Variants in CUL4A observed in about 807,000 individuals in gnomAD.
CUL4A encodes cullin-4A.
CUL4A carries 16 observed loss-of-function variants against 95.5 expected under a neutral mutation model. The observed-to-expected ratio is 0.17, with a 90% CI of 0.11 to 0.25. The LOEUF (loss-of-function observed/expected upper bound fraction) is 0.25. CUL4A is among the 10% of genes least tolerant of loss of function. The pLI is 1.00. For synonymous variants in CUL4A, 380 were observed against 353.1 expected (o/e 1.08, Z -0.85); for missense variants, 610 against 937.0 (o/e 0.65, Z 4.56).
intron 6 of CUL4A, among the ~76,000 whole-genome samples, 192 bp downstream of exon 6, chr13:113,233,531 G>T (rs934961494): frequency 2.0e-5 from 3 of 152,098 alleles, no homozygotes; most frequent in African/African-American, 7.2e-5. Flanking sequence ...AGAGAAGATA[G>T]ATCAATATCA....
intron 2 of CUL4A, 27 bp downstream of exon 2, chr13:113,210,115 G>A: frequency 7.0e-7 from 1 of 1,429,034 alleles, no homozygotes; most frequent in Non-Finnish European, 9.3e-7. Context: ...GGCTGGGGAC[G>A]CCGCTCCTGC....
chr13:113,229,367 G>A, intron 4 of CUL4A, 79 bp from the exon 5 acceptor site: 3 of 1,160,340 alleles, frequency 2.6e-6, no homozygotes, highest in South Asian at 1.3e-5. Flanking sequence ...GAGACAGCTA[G>A]CATGGAGTTA....
intron 15 of CUL4A, among the ~76,000 whole-genome samples, chr13:113,248,686 A>T (rs1014920261): frequency 2.6e-5 from 4 of 152,326 alleles, no homozygotes; most frequent in African/African-American, 9.6e-5. Flanking sequence ...GTTATTTTAT[A>T]TAAGTGTGAG....
At chr13:113,234,892 A>C (rs527925410) in intron 7 of CUL4A, among the ~76,000 whole-genome samples, 171 bp from the exon 8 acceptor site, 196 of 152,262 alleles carry the variant, frequency 1.3e-3, no homozygotes, top group African/African-American at 4.4e-3. Context: ...CATGTCCCCC[A>C]CACACATTTC....
intron 19 of CUL4A, chr13:113,262,791 C>T (rs2873044): frequency 0.075 from 11,175 of 148,970 alleles, 1,066 homozygotes; most frequent in African/African-American, 0.25. Context: ...TTATACGTGC[C>T]CTTGCTGATG....
upstream of CUL4A, chr13:113,208,588 C>G (rs56771694): frequency 8.9e-4 from 1,433 of 1,607,696 alleles, 11 homozygotes; most frequent in African/African-American, 0.017. Flanking sequence ...CGCTCCCCGG[C>G]TAGGACCCAC....
rs139078644 is a variant in CUL4A at position 113,260,635 on chromosome 13, G to A, written c.2060G>A (p.Arg687Lys). 1.2e-6 allele frequency: 2 copies of A among 1,612,386 alleles called. No homozygotes were observed. The highest frequency in any genetic ancestry group is 1.7e-6 in the Non-Finnish European group (2 of 1,179,592). Reference protein sequence around the residue: ...TVEEQVSTTERVFQDRQYQID... With the variant: ...TVEEQVSTTEKVFQDRQYQID... The stretch of plus-strand genomic sequence containing the variant: ...GAGGAACAGGTTAGCACCACTGAGA[G>A]AGTGTTTCAGGATAGACAATATCAG... Residue 687 changes from arginine (R) to lysine (K), a missense_variant, in exon 19 of 20, where the codon AGA becomes AAA. Arg to Lys is a conservative substitution (Grantham distance 26). This residue lies in a region of CUL4A where 28 missense variants were observed against 86.4 expected (regional missense o/e 0.32). Transcript: ENST00000375440.
At chr13:113,214,437 A>G (rs569503134) in intron 2 of CUL4A, among the ~76,000 whole-genome samples, 1 of 152,258 alleles carries the variant, frequency 6.6e-6, no homozygotes, top group African/African-American at 2.4e-5. Context: ...ATTTCTAGAA[A>G]GGTTTCAGAG....
intron 10 of CUL4A, among the ~76,000 whole-genome samples, chr13:113,242,325 G>A (rs1203464005): frequency 6.6e-6 from 1 of 152,032 alleles, no homozygotes; most frequent in Non-Finnish European, 1.5e-5. Flanking sequence ...AAGTGATGGA[G>A]AAGGAAAACT....
chr13:113,215,939 A>T (rs552884085), intron 2 of CUL4A, among the ~76,000 whole-genome samples: 1 of 141,528 alleles, frequency 7.1e-6, no homozygotes, highest in African/African-American at 2.8e-5. Flanking sequence ...TCTCTGTGTG[A>T]CTATGGAGGT....
rs1416579745 is a variant in CUL4A, at chr13:113,265,828, A to G, written c.*2246A>G. 1 of 152,234 alleles carries G rather than the reference A, an allele frequency of 6.6e-6. No individual in the cohort carries two copies. The highest frequency in any genetic ancestry group is 1.5e-5 in the Non-Finnish European group (1 of 68,040). The allele number at this position is 152,234 out of a possible 1,614,324, so 9.4% of individuals were successfully genotyped here. On this transcript the variant is annotated 3_prime_UTR_variant, in exon 20 of 20. Transcript: ENST00000375440. ...AATCATTGAAAAAGAAACAGCACTT[A>G]GACAGAAATGCTGTAAAAGTGGAAA...
chr13:113,255,873 G>A (rs1176132293), intron 18 of CUL4A, among the ~76,000 whole-genome samples: 1 of 152,156 alleles, frequency 6.6e-6, no homozygotes, highest in African/African-American at 2.4e-5. Context: ...TTCTGTGCAG[G>A]TTTTTATGTG....
chr13:113,209,898 C>A (rs1253267094), intron 1 of CUL4A, 75 bp from the exon 2 acceptor site: 3 of 1,229,512 alleles, frequency 2.4e-6, no homozygotes, highest in Non-Finnish European at 3.1e-6. Context: ...GCCGGGGCGC[C>A]GGCCGGGTCG....
intron 18 of CUL4A, 29 bp from the exon 19 acceptor site, chr13:113,260,578 A>C (rs1408482983): frequency 6.3e-7 from 1 of 1,579,518 alleles, no homozygotes; most frequent in Non-Finnish European, 8.6e-7. Flanking sequence ...ACAGTTTTAC[A>C]CTTAACTTTT....
chr13:113,214,697 C>T (rs1310401276), intron 2 of CUL4A, among the ~76,000 whole-genome samples: 1 of 152,256 alleles, frequency 6.6e-6, no homozygotes, highest in East Asian at 1.9e-4. Flanking sequence ...TCTTGAGTCA[C>T]GGAGTAGTTG....
chr13:113,223,175 G>A (rs2040964571), intron 3 of CUL4A, among the ~76,000 whole-genome samples: 2 of 152,178 alleles, frequency 1.3e-5, no homozygotes, highest in Admixed American at 1.3e-4. Context: ...ACCAGGGACA[G>A]GCATGAATGG....
chr13:113,223,364 A>G (rs992069066), intron 3 of CUL4A, among the ~76,000 whole-genome samples: 33 of 152,050 alleles, frequency 2.2e-4, no homozygotes, highest in African/African-American at 7.0e-4. Flanking sequence ...ACTTCAAGTA[A>G]CTCTACTTTC....
In CUL4A at chr13:113,267,092, A is replaced by G. The variant is rs934503588; in HGVS notation, c.*3510A>G. On this transcript the variant is annotated 3_prime_UTR_variant, in exon 20 of 20. Coordinates refer to ENST00000375440, the MANE Select transcript of CUL4A (RefSeq NM_001008895.4). ...ATAGAACTCAGAAAAAGAAAAATAT[A>G]GTCCTCCTTTCTAAGATTTTTGGAC... is the stretch of plus-strand genomic sequence containing the variant. The G allele has an allele frequency of 6.6e-6, 1 of 152,172 alleles. No homozygotes were observed. Among genetic ancestry groups the G allele is most frequent in the Non-Finnish European group, 1.5e-5 (1 of 68,032 alleles). 9.4% of individuals were successfully genotyped at this position (152,172 alleles called of 1,614,324 possible).
Position 113,209,648 on chromosome 13 carries a change from G to T in CUL4A, c.21G>T (p.Arg7=). The change falls in exon 1 of 20, where the codon CGG becomes CGT. Residue 7 remains arginine, a synonymous_variant. Transcript: ENST00000375440. MADEAP[R]KGSFSALVGR... ...CAGCCATGGCGGACGAGGCCCCGCG[G>T]AAGGGCAGCTTCTCGGCGCTCGTGG... The T allele has an allele frequency of 9.0e-7, 1 of 1,114,336 alleles. No individual in the cohort carries two copies. The highest frequency in any genetic ancestry group is 1.1e-6 in the Non-Finnish European group (1 of 914,060). 69.0% of individuals were successfully genotyped at this position (1,114,336 alleles called of 1,614,324 possible).
Sources: gnomAD v4.1 joint callset for allele counts (sites outside exome capture counted in the v4.1 genomes callset) on GRCh38, gnomAD v4.1.1 for gene constraint, gnomAD v4.1.1 regional missense constraint, MANE v1.5 for transcripts, NCBI Gene and HGNC (gene_info 2026-07-23, HGNC 2026-07-21) for gene names.